The following GRIN3B variants were observed in gnomAD, a reference collection of about 807,000 sequenced individuals.
The protein encoded by GRIN3B is glutamate receptor ionotropic, NMDA 3B.
In GRIN3B, 77 loss-of-function variants were observed where a neutral mutation model predicts 66.0. The observed-to-expected ratio is 1.17, with a 90% CI of 0.97 to 1.41. The LOEUF is 1.41. Ranked by LOEUF, GRIN3B falls within the 40% of genes most tolerant of loss-of-function variation. The probability of loss-of-function intolerance (pLI) is 0.00; values close to 1 mark genes in which losing one functional copy is unlikely to be tolerated. For missense variants in GRIN3B, 1,787 were observed against 1,564.5 expected (o/e 1.14, Z -2.40); for synonymous variants, 823 against 749.7 (o/e 1.10, Z -1.60).
At position 1,009,326 on chromosome 19, in the gene GRIN3B, G is replaced by T. The variant is rs1599464242; in HGVS notation, c.2856G>T (p.Ala952=). ...TGGCACCCGAAGCGGACGCGGAGGC[G>T]GAGGCTGCGCCGCGAGAGGGCCCCG... ...VVVAPEADAE[A]EAAPREGPVW... is the part of the protein sequence containing the mutation. Residue 952 remains alanine, a synonymous_variant, in exon 9 of 9, where the codon GCG becomes GCT. Coordinates refer to ENST00000234389, the MANE Select transcript of GRIN3B (RefSeq NM_138690.3). 1 of 1,401,920 alleles carries T rather than the reference G, an allele frequency of 7.1e-7. No homozygotes were observed. Among genetic ancestry groups the T allele is most frequent in the Non-Finnish European group, 9.2e-7 (1 of 1,087,718 alleles). 86.8% of individuals were successfully genotyped at this position (1,401,920 alleles called of 1,614,324 possible).
At chr19:1,001,250 T>G (rs2038681708) in intron 1 of GRIN3B, among the ~76,000 whole-genome samples, 1 of 151,728 alleles carries the variant, frequency 6.6e-6, no homozygotes, top group African/African-American at 2.4e-5. Context: ...GACCTCCTGG[T>G]CCCCACCCGG....
chr19:1,001,257 C>A (rs1434447433), intron 1 of GRIN3B, among the ~76,000 whole-genome samples: 4 of 152,002 alleles, frequency 2.6e-5, no homozygotes, highest in African/African-American at 9.7e-5. Context: ...TGGTCCCCAC[C>A]CGGCTCTGGG....
rs374855408 is a variant in GRIN3B at position 1,004,535 on chromosome 19, C to T, written c.1034C>T (p.Thr345Met). Residue 345 changes from threonine (T) to methionine (M), a missense_variant, in exon 3 of 9, where the codon ACG becomes ATG. Thr to Met is a moderately conservative substitution (Grantham distance 81). Coordinates refer to ENST00000234389, the MANE Select transcript of GRIN3B (RefSeq NM_138690.3). ...GRFLARFLANTSFQGRTGPVW... is the reference protein window; with the variant it reads ...GRFLARFLANMSFQGRTGPVW... ...CCTGCCCCTAGGTTCCTGGCCAACA[C>T]GTCCTTCCAGGGCCGCACGGGCCCC... 29 of 1,447,790 alleles carry T rather than the reference C, an allele frequency of 2.0e-5. No homozygotes were observed. Among genetic ancestry groups the T allele is most frequent in the African/African-American group, 1.4e-4 (10 of 70,626 alleles). The allele number at this position is 1,447,790 out of a possible 1,614,324, so 89.7% of individuals were successfully genotyped here. A position where few individuals can be genotyped will look rare whatever the true frequency, so the allele number is the denominator to read the frequency against.
rs191196970 is a variant in GRIN3B at position 1,009,528 on chromosome 19, C to T, written c.3058C>T (p.Arg1020Trp). Residue 1020 changes from arginine (R) to tryptophan (W), a missense_variant, in exon 9 of 9, where the codon CGG (arginine) becomes TGG (tryptophan). Coordinates refer to ENST00000234389, the MANE Select transcript of GRIN3B (RefSeq NM_138690.3). ...CGGGGACAGCGCACGTCACCGGCCTCGGCGCTTGCTTCAGGCCAGAGCGGC... is the reference window on the plus strand; with the variant it reads ...CGGGGACAGCGCACGTCACCGGCCTTGGCGCTTGCTTCAGGCCAGAGCGGC... ...QLGDSARHRP[R>W]RLLQARAAPA... is the part of the protein sequence containing the mutation. 3.0e-3 allele frequency: 4,508 copies of T among 1,490,134 alleles called. 121 individuals carry two copies. In the African/African-American group the frequency reaches 0.058, roughly 19 times the overall value. 92.3% of individuals were successfully genotyped at this position (1,490,134 alleles called of 1,614,324 possible).
In GRIN3B at chr19:1,004,510, C is replaced by G. The variant is rs1347548578; in HGVS notation, c.1020-11C>G. ...CTTCGACACCTGACACCCCCCCCGC[C>G]CTGCCCCTAGGTTCCTGGCCAACAC... On this transcript the variant is annotated splice_polypyrimidine_tract_variant and intron_variant, in intron 2 of 8. Transcript: ENST00000234389. The G allele has an allele frequency of 3.8e-6, 6 of 1,570,590 alleles. No individual in the cohort carries two copies. The highest frequency in any genetic ancestry group is 5.2e-6 in the Non-Finnish European group (6 of 1,155,728).
intron 1 of GRIN3B, among the ~76,000 whole-genome samples, chr19:1,001,760 T>A (rs2038686492): frequency 6.6e-6 from 1 of 151,844 alleles, no homozygotes. Context: ...TCTCCAGGTG[T>A]CAAGGGGACC....
rs748625717 is a variant in GRIN3B at position 1,003,691 on chromosome 19, G to C, written c.988G>C (p.Gly330Arg). 323 of 1,406,646 alleles carry C rather than the reference G, an allele frequency of 2.3e-4. No homozygotes were observed. The highest frequency in any genetic ancestry group is 2.9e-4 in the Non-Finnish European group (314 of 1,087,776). 87.1% of individuals were successfully genotyped at this position (1,406,646 alleles called of 1,614,324 possible). ...CAACTGCGGGGACCTGCAGCCGGCCGGGCCCGAGTCCCCGGGGCGCTTCTT... is the reference window on the plus strand; with the variant it reads ...CAACTGCGGGGACCTGCAGCCGGCCCGGCCCGAGTCCCCGGGGCGCTTCTT... ...PVNCGDLQPA[G>R]PESPGRFLAR... is the part of the protein sequence containing the mutation. Residue 330 changes from glycine (G) to arginine (R), a missense_variant, in exon 2 of 9, where the codon GGG becomes CGG. Coordinates refer to ENST00000234389, the MANE Select transcript of GRIN3B (RefSeq NM_138690.3).
At position 1,008,728 on chromosome 19, in the gene GRIN3B, G is replaced by C. The variant is rs143329396; in HGVS notation, c.2577G>C (p.Ala859=). ...GCGAGCACGCCTTCTTCCGCCTGGCGCTGCCGCGCATCCGCAAGGGGAGCA... is the reference window on the plus strand; with the variant it reads ...GCGAGCACGCCTTCTTCCGCCTGGCCCTGCCGCGCATCCGCAAGGGGAGCA... ...SLGEHAFFRL[A]LPRIRKGSRL... is the part of the protein sequence containing the mutation. The change falls in exon 7 of 9, where the codon GCG becomes GCC. Residue 859 remains alanine (A), a synonymous_variant. Transcript: ENST00000234389. The C allele has an allele frequency of 7.4e-5, 119 of 1,608,322 alleles. No individual in the cohort carries two copies. Among genetic ancestry groups the C allele is most frequent in the Non-Finnish European group, 9.5e-5 (112 of 1,178,694 alleles).
rs758691413 is a variant in GRIN3B at position 1,007,682 on chromosome 19, G to A, written c.2107G>A (p.Glu703Lys). 4 of 1,536,658 alleles carry A rather than the reference G, an allele frequency of 2.6e-6. No homozygotes were observed. Among genetic ancestry groups the A allele is most frequent in the South Asian group, 1.2e-5 (1 of 82,404 alleles). The stretch of plus-strand genomic sequence containing the variant: ...CGGCACCGTGTGGGAGAGCAGCGCC[G>A]AGGCGTACATCAAGAAGAGCTTCCC... ...RFGTVWESSA[E>K]AYIKKSFPDM... Residue 703 changes from glutamate (E) to lysine (K), a missense_variant, in exon 4 of 9, where the codon GAG becomes AAG. Glu to Lys is a moderately conservative substitution (Grantham distance 56, BLOSUM62 1). Coordinates refer to ENST00000234389, the MANE Select transcript of GRIN3B (RefSeq NM_138690.3). The surrounding 1 kb of genome is among the most constrained non-coding windows in gnomAD (Gnocchi z 4.4).
At position 1,000,769 on chromosome 19, in the gene GRIN3B, C is replaced by T; in HGVS notation, c.332C>T (p.Pro111Leu). Reference protein sequence around the residue: ...AALLAFPEARPELLQLHFLAA... With the variant: ...AALLAFPEARLELLQLHFLAA... ...CTGCTCGCCTTTCCCGAGGCTCGGC[C>T]CGAGCTGCTGCAGCTGCACTTCCTG... Residue 111 changes from proline (P) to leucine (L), a missense_variant, in exon 1 of 9, where the codon CCC (proline) becomes CTC (leucine). By Grantham distance (98) the Pro-to-Leu change is moderately conservative. Coordinates refer to ENST00000234389, the MANE Select transcript of GRIN3B (RefSeq NM_138690.3). The T allele has an allele frequency of 6.9e-7, 1 of 1,449,850 alleles. No individual in the cohort carries two copies. The highest frequency in any genetic ancestry group is 9.0e-7 in the Non-Finnish European group (1 of 1,107,290). The allele number at this position is 1,449,850 out of a possible 1,614,324, so 89.8% of individuals were successfully genotyped here. A position where few individuals can be genotyped will look rare whatever the true frequency, so the allele number is the denominator to read the frequency against.
In GRIN3B at chr19:1,007,606, G is replaced by A. The variant is rs2038764620; in HGVS notation, c.2053-22G>A. On this transcript the variant is annotated intron_variant, in intron 3 of 8. Transcript: ENST00000234389. The surrounding 1 kb of genome is among the most constrained non-coding windows in gnomAD (Gnocchi z 4.4). ...GGGGTCCTGAGGGGCAGGCAGAGGC[G>A]CTGACGGGGTCCCCCGCGCAGCTGC... 1.4e-6 allele frequency: 2 copies of A among 1,475,032 alleles called. No homozygotes were observed. Among genetic ancestry groups the A allele is most frequent in the African/African-American group, 1.4e-5 (1 of 69,164 alleles). The allele number at this position is 1,475,032 out of a possible 1,614,324, so 91.4% of individuals were successfully genotyped here. A position where few individuals can be genotyped will look rare whatever the true frequency, so the allele number is the denominator to read the frequency against.
intron 3 of GRIN3B, among the ~76,000 whole-genome samples, chr19:1,006,172 A>G (rs760432919): frequency 1.3e-4 from 19 of 150,850 alleles, no homozygotes; most frequent in Non-Finnish European, 2.4e-4. Flanking sequence ...CTTTTTTGAG[A>G]CAGTCTTGCT....
chr19:1,009,333 G>A lies in GRIN3B; in HGVS notation c.2863G>A (p.Ala955Thr), dbSNP rs762957426. The A allele has an allele frequency of 1.1e-4, 152 of 1,397,950 alleles. No individual in the cohort carries two copies. Among genetic ancestry groups the A allele is most frequent in the Non-Finnish European group, 1.3e-4 (138 of 1,085,516 alleles). The allele number at this position is 1,397,950 out of a possible 1,614,324, so 86.6% of individuals were successfully genotyped here. ...CGAAGCGGACGCGGAGGCGGAGGCT[G>A]CGCCGCGAGAGGGCCCCGTCTGGCT... ...APEADAEAEAAPREGPVWLCS... is the reference protein window; with the variant it reads ...APEADAEAEATPREGPVWLCS... Residue 955 changes from alanine to threonine, a missense_variant, in exon 9 of 9, where the codon GCG becomes ACG. By Grantham distance (58) the Ala-to-Thr change is moderately conservative. Transcript: ENST00000234389.
chr19:1,004,550 G>C lies in GRIN3B; in HGVS notation c.1049G>C (p.Arg350Pro), dbSNP rs144334537. 7.9e-7 allele frequency: 1 copy of C among 1,262,166 alleles called. No individual in the cohort carries two copies. The highest frequency in any genetic ancestry group is 2.0e-5 in the Admixed American group (1 of 50,858). The allele number at this position is 1,262,166 out of a possible 1,614,324, so 78.2% of individuals were successfully genotyped here. A position where few individuals can be genotyped will look rare whatever the true frequency, so the allele number is the denominator to read the frequency against. Residue 350 changes from arginine (R) to proline (P), a missense_variant, in exon 3 of 9, where the codon CGC (arginine) becomes CCC (proline). Coordinates refer to ENST00000234389, the MANE Select transcript of GRIN3B (RefSeq NM_138690.3). ...RFLANTSFQGRTGPVWVTGSS... is the reference protein window; with the variant it reads ...RFLANTSFQGPTGPVWVTGSS... ...CTGGCCAACACGTCCTTCCAGGGCC[G>C]CACGGGCCCCGTGTGGGTGACAGGC...
rs1343237158 is a variant in GRIN3B, at chr19:1,008,693, A to C, written c.2542A>C (p.Ser848Arg). The C allele has an allele frequency of 1.8e-5, 29 of 1,607,144 alleles. No homozygotes were observed. Among genetic ancestry groups the C allele is most frequent in the Non-Finnish European group, 2.0e-5 (24 of 1,179,706 alleles). ...CCTGGGCCTGGGCAGCGCTCTGCTC[A>C]GCTCGCTGGGCGAGCACGCCTTCTT... Reference protein sequence around the residue: ...LCLGLGSALLSSLGEHAFFRL... With the variant: ...LCLGLGSALLRSLGEHAFFRL... Residue 848 changes from serine to arginine, a missense_variant, in exon 7 of 9, where the codon AGC (serine) becomes CGC (arginine). By Grantham distance (110) the Ser-to-Arg change is moderately radical. Transcript: ENST00000234389.
At position 1,008,224 on chromosome 19, in the gene GRIN3B, TCGACCTGCTCCA is replaced by T; in HGVS notation, c.2404_2415del (p.Leu802_Asp805del). The T allele has an allele frequency of 6.2e-7, 1 of 1,609,866 alleles. No individual in the cohort carries two copies. On this transcript the variant is annotated inframe_deletion, in exon 6 of 9. Transcript: ENST00000234389. ...AGCCGCTACAAGTCCTCCGGCTTCATCGACCTGCTCCACGACAAGTGGTACAAGATGGTGCCT... is the reference window on the plus strand; with the variant it reads ...AGCCGCTACAAGTCCTCCGGCTTCATCGACAAGTGGTACAAGATGGTGCCT...
At position 1,007,866 on chromosome 19, in the gene GRIN3B, C is replaced by G. The variant is rs577760723; in HGVS notation, c.2209C>G (p.Pro737Ala). 7.5e-6 allele frequency: 12 copies of G among 1,610,676 alleles called. No individual in the cohort carries two copies. The highest frequency in any genetic ancestry group is 6.6e-5 in the South Asian group (6 of 91,036). Residue 737 changes from proline to alanine, a missense_variant, in exon 5 of 9, where the codon CCC (proline) becomes GCC (alanine). Physicochemically the swap from Pro to Ala is conservative, Grantham distance 27. Transcript: ENST00000234389. This position sits in a 1 kb window ranked among gnomAD's most constrained non-coding sequence, Gnocchi z 4.4. ...CCCCGGCCCCAGCAGGAGCGACCCCCCCAAGCTCAACGCCTTCATCATGGA... is the reference window on the plus strand; with the variant it reads ...CCCCGGCCCCAGCAGGAGCGACCCCGCCAAGCTCAACGCCTTCATCATGGA... ...RGVAMLTSDP[P>A]KLNAFIMDKS...
rs1282755636 is a variant in GRIN3B at position 1,007,723 on chromosome 19, C to G, written c.2148C>G (p.His716Gln). The G allele has an allele frequency of 1.3e-6, 2 of 1,531,000 alleles. No individual in the cohort carries two copies. Among genetic ancestry groups the G allele is most frequent in the Non-Finnish European group, 1.8e-6 (2 of 1,140,136 alleles). 94.8% of individuals were successfully genotyped at this position (1,531,000 alleles called of 1,614,324 possible). A position where few individuals can be genotyped will look rare whatever the true frequency, so the allele number is the denominator to read the frequency against. ...IKKSFPDMHAHMRRHSAPTTP... is the reference protein window; with the variant it reads ...IKKSFPDMHAQMRRHSAPTTP... ...AGAGCTTCCCCGACATGCACGCACA[C>G]ATGCGGCGCCACAGCGCGCCCACCA... Residue 716 changes from histidine (H) to glutamine (Q), a missense_variant, in exon 4 of 9, where the codon CAC becomes CAG. Transcript: ENST00000234389. This position sits in a 1 kb window ranked among gnomAD's most constrained non-coding sequence, Gnocchi z 4.4.
rs776684564 is a variant in GRIN3B at position 1,005,566 on chromosome 19, G to A, written c.2052+13G>A. 3.2e-5 allele frequency: 50 copies of A among 1,543,724 alleles called. No individual in the cohort carries two copies. Among genetic ancestry groups the A allele is most frequent in the Admixed American group, 3.9e-5 (2 of 51,886 alleles). ...CCACGACCCCAAGGTGGGCGGCCTC[G>A]GGGGGCTGCGGGTGGCCTTGGGGGG... On this transcript the variant is annotated intron_variant, in intron 3 of 8. Coordinates refer to ENST00000234389, the MANE Select transcript of GRIN3B (RefSeq NM_138690.3). The surrounding 1 kb of genome is among the most constrained non-coding windows in gnomAD (Gnocchi z 5.2).
Sources: allele counts gnomAD v4.1 joint callset (sites outside exome capture counted in the v4.1 genomes callset), GRCh38; gene constraint gnomAD v4.1.1; non-coding constraint Gnocchi (gnomAD v3.1); transcripts MANE v1.5; gene names NCBI Gene and HGNC (gene_info 2026-07-23, HGNC 2026-07-21).